ARHGEF16: variants seen among roughly 807,000 people sequenced by gnomAD.
The protein encoded by ARHGEF16 is Rho guanine nucleotide exchange factor 16, also known as Rho guanine exchange factor (GEF) 16.
ARHGEF16 carries 59 observed loss-of-function variants against 74.1 expected under a neutral mutation model. That is an observed-to-expected ratio of 0.80 (90% CI 0.65 to 0.99). The LOEUF (loss-of-function observed/expected upper bound fraction) is 0.99, where lower values mean the gene tolerates loss of function less well. Among genes scored for constraint, ARHGEF16 ranks in the 50% least tolerant of loss-of-function variants. The pLI, the probability that ARHGEF16 is intolerant of heterozygous loss-of-function variation, is 0.00. For synonymous variants in ARHGEF16, 415 were observed against 412.6 expected (o/e 1.01, Z -0.07); for missense variants, 948 against 986.6 (o/e 0.96, Z 0.52).
rs78188986 is a variant in ARHGEF16 at position 3,464,282 on chromosome 1, C to T, written c.588+610C>T. 9.5e-3 allele frequency among the ~76,000 whole-genome samples: 1,453 copies of T among 152,306 alleles called. 20 individuals carry two copies. Among genetic ancestry groups the T allele is most frequent in the African/African-American group, 0.033 (1,375 of 41,560 alleles). ...ACTAGGGCCCAGGGGACAGAGCGTC[C>T]AGCTGGGGCTCCTGGGCCCAGTGTC... On this transcript the variant is annotated intron_variant, in intron 2 of 14. Coordinates refer to ENST00000378378, the MANE Select transcript of ARHGEF16 (RefSeq NM_014448.4).
At chr1:3,478,727 T>A in intron 12 of ARHGEF16, 115 bp downstream of exon 12, 1 of 1,219,602 alleles carries the variant, frequency 8.2e-7, no homozygotes, top group Non-Finnish European at 1.1e-6. Flanking sequence ...ACGCCCACCG[T>A]GCACCTGGCC....
chr1:3,455,839 G>A (rs370936455), intron 1 of ARHGEF16, among the ~76,000 whole-genome samples: 12 of 152,256 alleles, frequency 7.9e-5, no homozygotes, highest in East Asian at 1.9e-4. Flanking sequence ...TTCCTCATCC[G>A]TAAAATGGGA....
chr1:3,473,793 A>G, intron 8 of ARHGEF16: 1 of 538,804 alleles, frequency 1.9e-6, no homozygotes, highest in Non-Finnish European at 3.2e-6. Context: ...AGGCACACTG[A>G]CGAGTTGGAA....
chr1:3,466,262 GGGTTCGGGT>G, intron 3 of ARHGEF16, 69 bp downstream of exon 3: 1 of 1,473,078 alleles, frequency 6.8e-7, no homozygotes, highest in Admixed American at 2.6e-5. Context: ...GGGCACCCTG[GGGTTCGGGT>G]GGGCCTCAGT....
chr1:3,463,298 G>A lies in ARHGEF16; in HGVS notation c.214G>A (p.Val72Ile), dbSNP rs775577377. The change falls in exon 2 of 15, where the codon GTC (valine) becomes ATC (isoleucine). Residue 72 changes from valine (V) to isoleucine (I), a missense_variant. Transcript: ENST00000378378. ...GGGGCACGAGGAGCCATGGCCCATC[G>A]TCCTGAGCACAGAGAGCCCGGCGGC... ...PPGHEEPWPIVLSTESPAALK... is the reference protein window; with the variant it reads ...PPGHEEPWPIILSTESPAALK... The A allele has an allele frequency of 3.0e-5, 46 of 1,550,046 alleles. No individual in the cohort carries two copies. Among genetic ancestry groups the A allele is most frequent in the African/African-American group, 9.6e-5 (7 of 73,040 alleles).
Position 3,475,818 on chromosome 1 carries a change from C to T in ARHGEF16, c.1381-152C>T, listed in dbSNP as rs1639853372. 1.1e-5 allele frequency: 7 copies of T among 646,822 alleles called. 1 individual carries two copies. In the South Asian group the frequency reaches 1.5e-4, roughly 13 times the overall value. The allele number at this position is 646,822 out of a possible 1,614,324, so 40.1% of individuals were successfully genotyped here. On this transcript the variant is annotated intron_variant, in intron 9 of 14. Transcript: ENST00000378378. Reference sequence around the variant, plus strand: ...GCCTAGAGCCAGTGGAGCTCTCACACAGTTGATGAGCCCGTGGCACGGCTG... The same window carrying T: ...GCCTAGAGCCAGTGGAGCTCTCACATAGTTGATGAGCCCGTGGCACGGCTG...
Position 3,480,842 on chromosome 1 carries a change from G to A in ARHGEF16, c.*255G>A. ...GGAGCCCAGCCTATTCCCGTTGGCT[G>A]GCTGGGCCCCTCAGCTGCTGGGCCC... On this transcript the variant is annotated 3_prime_UTR_variant, in exon 15 of 15. Coordinates refer to ENST00000378378, the MANE Select transcript of ARHGEF16 (RefSeq NM_014448.4). 2.4e-6 allele frequency: 1 copy of A among 423,320 alleles called. No homozygotes were observed. Among genetic ancestry groups the A allele is most frequent in the Non-Finnish European group, 3.9e-6 (1 of 256,166 alleles). The allele number at this position is 423,320 out of a possible 1,614,324, so 26.2% of individuals were successfully genotyped here.
rs150491102 is a variant in ARHGEF16 at position 3,478,612 on chromosome 1, C to T, written c.1814C>T (p.Ala605Val). Residue 605 changes from alanine (A) to valine (V), a missense_variant and splice_region_variant, in exon 12 of 15, where the codon GCG (alanine) becomes GTG (valine). Coordinates refer to ENST00000378378, the MANE Select transcript of ARHGEF16 (RefSeq NM_014448.4). ...QEQLLLSSDS[A>V]SDRARWIVAL... ...CAGCTCCTGCTCTCCTCGGACTCCG[C>T]GTAAGTGGGCTCCCGGGAGGGCTGT... 1.4e-4 allele frequency: 232 copies of T among 1,602,528 alleles called. No homozygotes were observed. In the African/African-American group the frequency reaches 2.2e-3, roughly 15 times the overall value.
At chr1:3,474,340 A>G (rs146866358) in intron 8 of ARHGEF16, 2 of 287,186 alleles carry the variant, frequency 7.0e-6, no homozygotes, top group East Asian at 1.5e-4. Context: ...GAGGCTACAC[A>G]TGGCAGGGTT....
intron 6 of ARHGEF16, among the ~76,000 whole-genome samples, chr1:3,470,691 A>T (rs1472214829): frequency 1.5e-5 from 2 of 132,574 alleles, no homozygotes; most frequent in Non-Finnish European, 3.2e-5. Flanking sequence ...GTGCGTGGGC[A>T]AGGGTGTCTG....
chr1:3,477,472 G>A (rs951582649), intron 10 of ARHGEF16, among the ~76,000 whole-genome samples: 5 of 149,238 alleles, frequency 3.4e-5, no homozygotes, highest in South Asian at 2.2e-4. Context: ...CATCACGGGT[G>A]GGCCTGCCCC....
chr1:3,461,197 G>T (rs1639384138), intron 1 of ARHGEF16, among the ~76,000 whole-genome samples: 1 of 152,258 alleles, frequency 6.6e-6, no homozygotes, highest in Non-Finnish European at 1.5e-5. Context: ...AAAAGGGAAA[G>T]AATGAAAGCA....
chr1:3,471,058 A>G (rs1339819353), intron 6 of ARHGEF16, among the ~76,000 whole-genome samples: 1 of 87,630 alleles, frequency 1.1e-5, no homozygotes, highest in African/African-American at 4.5e-5. Flanking sequence ...GTGTGTGTGC[A>G]TGGACAGGTA....
chr1:3,473,767 A>G (rs975963449), intron 8 of ARHGEF16: 8 of 634,118 alleles, frequency 1.3e-5, no homozygotes, highest in South Asian at 7.9e-5. Context: ...CACTTACTCA[A>G]TGGTTCATGA....
chr1:3,473,664 G>C lies in ARHGEF16; in HGVS notation c.1305+142G>C, dbSNP rs774245203. 2.9e-6 allele frequency: 4 copies of C among 1,373,556 alleles called. No individual in the cohort carries two copies. In the South Asian group the frequency reaches 5.2e-5, roughly 18 times the overall value. The allele number at this position is 1,373,556 out of a possible 1,614,324, so 85.1% of individuals were successfully genotyped here. A position where few individuals can be genotyped will look rare whatever the true frequency, so the allele number is the denominator to read the frequency against. ...GATATTGTAATAGTTACGATCCTAA[G>C]ATGGCTTTATTAACCAGGATAACTT... On this transcript the variant is annotated intron_variant, in intron 8 of 14. Transcript: ENST00000378378.
chr1:3,465,891 T>C, intron 2 of ARHGEF16: 1 of 502,622 alleles, frequency 2.0e-6, no homozygotes, highest in Non-Finnish European at 3.5e-6. Flanking sequence ...GAAACTCTTC[T>C]GAGCGTCCCC....
Position 3,480,627 on chromosome 1 carries a change from A to C in ARHGEF16, c.*40A>C. The C allele has an allele frequency of 6.3e-7, 1 of 1,590,290 alleles. No homozygotes were observed. Among genetic ancestry groups the C allele is most frequent in the Non-Finnish European group, 8.5e-7 (1 of 1,173,572 alleles). On this transcript the variant is annotated 3_prime_UTR_variant, in exon 15 of 15. Coordinates refer to ENST00000378378, the MANE Select transcript of ARHGEF16 (RefSeq NM_014448.4). ...GCCGGCGGCAGCACAGCCTGTCTCC[A>C]ATCAGCAAGTGGTCGTGCCTGGCTC...
At chr1:3,460,981 G>A (rs868725142) in intron 1 of ARHGEF16, among the ~76,000 whole-genome samples, 3 of 152,142 alleles carry the variant, frequency 2.0e-5, no homozygotes, top group Non-Finnish European at 4.4e-5. Flanking sequence ...ACACTCCAAA[G>A]GTGCTAATCC....
intron 11 of ARHGEF16, 32 bp downstream of exon 11, chr1:3,478,058 C>A (rs772968403): frequency 6.2e-7 from 1 of 1,612,150 alleles, no homozygotes; most frequent in Non-Finnish European, 8.5e-7. Context: ...GTGGGGAGCC[C>A]CACTCCATGG....
Sources: allele counts gnomAD v4.1 joint callset (sites outside exome capture counted in the v4.1 genomes callset), GRCh38; gene constraint gnomAD v4.1.1; transcripts MANE v1.5; gene names NCBI Gene and HGNC (gene_info 2026-07-23, HGNC 2026-07-21).